Variants in ADAMTS8 observed in about 807,000 individuals in gnomAD.
ADAMTS8 encodes the protein A disintegrin and metalloproteinase with thrombospondin motifs 8.
A neutral mutation model predicts 64.4 loss-of-function variants in ADAMTS8; 50 were observed. The observed-to-expected ratio is 0.78, with a 90% CI of 0.62 to 0.98. The LOEUF is 0.98. ADAMTS8 is among the 50% of genes least tolerant of loss of function. The probability of loss-of-function intolerance (pLI) is 0.00; values close to 1 mark genes in which losing one functional copy is unlikely to be tolerated. For synonymous variants in ADAMTS8, 556 were observed against 533.6 expected, an observed-to-expected ratio of 1.04 and a Z score of -0.58; for missense variants, 1,192 against 1,208.2, an observed-to-expected ratio of 0.99 and a Z score of 0.20.
chr11:130,419,040 G>T lies in ADAMTS8; in HGVS notation c.960+13C>A, dbSNP rs370899497. ...TCCCTTCCTCCCCAGGGCTTCCGGA[G>T]CCAGGCACGGACCTGTCTGGTGAGC... On this transcript the variant is annotated intron_variant, in intron 2 of 8. Transcript: ENST00000257359. The T allele has an allele frequency of 3.1e-6, 5 of 1,613,782 alleles. No homozygotes were observed. Among genetic ancestry groups the T allele is most frequent in the Non-Finnish European group, 4.2e-6 (5 of 1,179,886 alleles).
rs369880053 is a variant in ADAMTS8 at position 130,419,216 on chromosome 11, A to G, written c.797T>C (p.Met266Thr). The G allele has an allele frequency of 2.5e-6, 4 of 1,614,076 alleles. No homozygotes were observed. The highest frequency in any genetic ancestry group is 2.2e-5 in the South Asian group (2 of 91,072). The change falls in exon 2 of 9, where the codon ATG (methionine) becomes ACG (threonine). Residue 266 changes from methionine (M) to threonine (T), a missense_variant. Physicochemically the swap from Met to Thr is moderately conservative, Grantham distance 81. Around this residue, in one of 5 missense-constraint regions of ADAMTS8, gnomAD observed 741 missense variants for 710.6 expected, o/e 1.04. Coordinates refer to ENST00000257359, the MANE Select transcript of ADAMTS8 (RefSeq NM_007037.6). ...HPSIKNSINL[M>T]VVKVLIVEDE... is the part of the protein sequence containing the mutation. The stretch of plus-strand genomic sequence containing the variant: ...TTCTACGATCAGCACTTTTACCACC[A>G]TCAGGTTGATGGAATTCTTGATGCT...
At chr11:130,418,260 TC>T (rs1241933618) in intron 2 of ADAMTS8, among the ~76,000 whole-genome samples, 1 of 141,678 alleles carries the variant, frequency 7.1e-6, no homozygotes, top group Non-Finnish European at 1.5e-5. Context: ...AGTGATAAGA[TC>T]GGGAAATCTC....
At chr11:130,420,920 G>A (rs1862091088) in intron 1 of ADAMTS8, among the ~76,000 whole-genome samples, 1 of 152,128 alleles carries the variant, frequency 6.6e-6, no homozygotes, top group South Asian at 2.1e-4. Context: ...CCGGGTCTTT[G>A]CTGCTTCCAG....
chr11:130,416,368 C>A lies in ADAMTS8; in HGVS notation c.1097-38G>T. On this transcript the variant is annotated intron_variant, in intron 3 of 8. Transcript: ENST00000257359. The surrounding 1 kb of genome is among the most constrained non-coding windows in gnomAD (Gnocchi z 4.8). Reference sequence around the variant, plus strand: ...GCCTGGTCCACTCCGCCCTGTCCTGCCTGAGGGCGCCCCACCTGGCCCAGC... The same window carrying A: ...GCCTGGTCCACTCCGCCCTGTCCTGACTGAGGGCGCCCCACCTGGCCCAGC... The A allele has an allele frequency of 6.6e-7, 1 of 1,505,658 alleles. No homozygotes were observed. Among genetic ancestry groups the A allele is most frequent in the Non-Finnish European group, 8.9e-7 (1 of 1,121,850 alleles). The allele number at this position is 1,505,658 out of a possible 1,614,324, so 93.3% of individuals were successfully genotyped here.
At chr11:130,413,559 C>G (rs945658416) in intron 5 of ADAMTS8, among the ~76,000 whole-genome samples, 2 of 152,162 alleles carry the variant, frequency 1.3e-5, no homozygotes, top group Non-Finnish European at 2.9e-5. Context: ...AAGAGAAATG[C>G]GATCAGCCTC....
At chr11:130,409,977 A>AT (rs1284548194) in intron 6 of ADAMTS8, among the ~76,000 whole-genome samples, 1 of 152,202 alleles carries the variant, frequency 6.6e-6, no homozygotes, top group Non-Finnish European at 1.5e-5. Flanking sequence ...TAACTCCCAG[A>AT]TACTGTGTCA....
chr11:130,412,465 C>T lies in ADAMTS8; in HGVS notation c.1567-865G>A, dbSNP rs191177939. Among the ~76,000 whole-genome samples the T allele has an allele frequency of 5.0e-3, 754 of 152,276 alleles. 8 individuals are homozygous for T. Among genetic ancestry groups the T allele is most frequent in the African/African-American group, 0.017 (714 of 41,558 alleles). On this transcript the variant is annotated intron_variant, in intron 5 of 8. Transcript: ENST00000257359. ...CTGACCTCAAGTGATCAACCTGCCT[C>T]GGCCTCCCAAAGTACTGGGATTACA... is the stretch of plus-strand genomic sequence containing the variant.
At position 130,405,030 on chromosome 11, in the gene ADAMTS8, G is replaced by A. The variant is rs1436802142; in HGVS notation, c.*528C>T. ...GAACATGTGGCTCTCCAAACCCTGCGACGCTGCGGCCCTTTAGGTGATGGA... is the reference window on the plus strand; with the variant it reads ...GAACATGTGGCTCTCCAAACCCTGCAACGCTGCGGCCCTTTAGGTGATGGA... On this transcript the variant is annotated 3_prime_UTR_variant, in exon 9 of 9. Coordinates refer to ENST00000257359, the MANE Select transcript of ADAMTS8 (RefSeq NM_007037.6). The A allele has an allele frequency of 6.1e-6, 6 of 986,784 alleles. No individual in the cohort carries two copies. Among genetic ancestry groups the A allele is most frequent in the Non-Finnish European group, 7.2e-6 (6 of 830,786 alleles). The allele number at this position is 986,784 out of a possible 1,614,324, so 61.1% of individuals were successfully genotyped here. A position where few individuals can be genotyped will look rare whatever the true frequency, so the allele number is the denominator to read the frequency against.
chr11:130,417,850 T>C (rs1862047418), intron 2 of ADAMTS8, among the ~76,000 whole-genome samples: 1 of 152,086 alleles, frequency 6.6e-6, no homozygotes, highest in Non-Finnish European at 1.5e-5. Flanking sequence ...CCCCCATCTT[T>C]CTAAATTGGA....
intron 1 of ADAMTS8, among the ~76,000 whole-genome samples, chr11:130,425,566 A>G (rs1175110715): frequency 6.6e-6 from 1 of 150,562 alleles, no homozygotes; most frequent in African/African-American, 2.4e-5. Flanking sequence ...CAATGGGTGC[A>G]TCTTAGCTTC....
chr11:130,428,270 G>A lies in ADAMTS8; in HGVS notation c.17C>T (p.Ala6Val). ...CAGGAGCGGAGGCCACCGGGGGGCG[G>A]CGGGGGCGGGGAGCATGGGGGCTGC... MLPAP[A>V]APRWPPLLLL... is the part of the protein sequence containing the mutation. The change falls in exon 1 of 9, where the codon GCC becomes GTC. Residue 6 changes from alanine to valine, a missense_variant. This residue lies in a region of ADAMTS8 where 741 missense variants were observed against 710.6 expected (regional missense o/e 1.04). Coordinates refer to ENST00000257359, the MANE Select transcript of ADAMTS8 (RefSeq NM_007037.6). 1.7e-6 allele frequency: 2 copies of A among 1,208,220 alleles called. No homozygotes were observed. The highest frequency in any genetic ancestry group is 3.5e-5 in the South Asian group (1 of 28,772). 74.8% of individuals were successfully genotyped at this position (1,208,220 alleles called of 1,614,324 possible).
chr11:130,422,017 C>T (rs755997088), intron 1 of ADAMTS8, among the ~76,000 whole-genome samples: 1 of 152,218 alleles, frequency 6.6e-6, no homozygotes, highest in Non-Finnish European at 1.5e-5. Flanking sequence ...CACGGTCAGC[C>T]CAGCCAGGGT....
chr11:130,422,598 G>A (rs1862114944), intron 1 of ADAMTS8, among the ~76,000 whole-genome samples: 1 of 152,200 alleles, frequency 6.6e-6, no homozygotes, highest in African/African-American at 2.4e-5. Flanking sequence ...CTGGGGGTGT[G>A]GAGATGGAGA....
Position 130,416,804 on chromosome 11 carries a change from A to G in ADAMTS8, c.1096+136T>C, listed in dbSNP as rs1424451218. ...TGTCAAGCGCGGTATCTGTTTGTATACAGTCACCCTGTCAAAATTAGGAGG... is the reference window on the plus strand; with the variant it reads ...TGTCAAGCGCGGTATCTGTTTGTATGCAGTCACCCTGTCAAAATTAGGAGG... On this transcript the variant is annotated intron_variant, in intron 3 of 8. Transcript: ENST00000257359. The surrounding 1 kb of genome is among the most constrained non-coding windows in gnomAD (Gnocchi z 4.8). The G allele has an allele frequency of 7.2e-7, 1 of 1,386,598 alleles. No individual in the cohort carries two copies. Among genetic ancestry groups the G allele is most frequent in the Admixed American group, 1.8e-5 (1 of 54,818 alleles). 85.9% of individuals were successfully genotyped at this position (1,386,598 alleles called of 1,614,324 possible).
intron 5 of ADAMTS8, among the ~76,000 whole-genome samples, chr11:130,413,914 G>A (rs1032390952): frequency 2.0e-5 from 3 of 152,162 alleles, no homozygotes; most frequent in Admixed American, 6.5e-5. Context: ...TCTCCACCCC[G>A]CTCACCAATC....
chr11:130,410,704 A>G (rs1232421965), intron 6 of ADAMTS8, among the ~76,000 whole-genome samples: 2 of 152,350 alleles, frequency 1.3e-5, no homozygotes, highest in East Asian at 3.9e-4. Context: ...ATGGTGGGGA[A>G]AAACCTTGTA....
intron 6 of ADAMTS8, among the ~76,000 whole-genome samples, chr11:130,409,911 G>T (rs1045798144): frequency 6.6e-6 from 1 of 152,250 alleles, no homozygotes; most frequent in Non-Finnish European, 1.5e-5. Context: ...AGCTGAGGGG[G>T]TCTGGGCTGT....
chr11:130,423,742 G>A (rs1040219142), intron 1 of ADAMTS8, among the ~76,000 whole-genome samples: 18 of 152,198 alleles, frequency 1.2e-4, no homozygotes, highest in Admixed American at 2.0e-4. Context: ...CGGGACAGGC[G>A]TCCCAGGCTG....
At chr11:130,414,502 C>T (rs1021919522) in intron 5 of ADAMTS8, 29 bp downstream of exon 5, 2 of 1,548,682 alleles carry the variant, frequency 1.3e-6, no homozygotes, top group Non-Finnish European at 1.7e-6. Context: ...CCTTTCCCCT[C>T]CCCGCTATCC....
Sources: allele counts gnomAD v4.1 joint callset (sites outside exome capture counted in the v4.1 genomes callset), GRCh38; gene constraint gnomAD v4.1.1; regional missense constraint gnomAD v4.1.1; non-coding constraint Gnocchi (gnomAD v3.1); transcripts MANE v1.5; gene names NCBI Gene and HGNC (gene_info 2026-07-23, HGNC 2026-07-21).